Variants in CACNA1H observed in about 807,000 individuals in gnomAD.
CACNA1H encodes voltage-dependent T-type calcium channel subunit alpha-1H.
A neutral mutation model predicts 192.5 loss-of-function variants in CACNA1H; 149 were observed. The observed-to-expected ratio is 0.77, with a 90% CI of 0.68 to 0.89. The LOEUF is 0.89. Ranked by LOEUF, CACNA1H falls within the 40% of genes least tolerant of loss-of-function variation. The pLI is 0.00. For synonymous variants in CACNA1H, 2,202 were observed against 1,475.2 expected (o/e 1.49, Z -11.29); for missense variants, 4,257 against 3,423.5 (o/e 1.24, Z -6.08).
chr16:1,206,353 C>T lies in CACNA1H; in HGVS notation c.2789+64C>T, dbSNP rs1326078411. ...CCCCAGGGCAGCTGGGAGGCAAAGG[C>T]CCAGGGCACCCCCCGAAGGAGAAGG... is the stretch of plus-strand genomic sequence containing the variant. On this transcript the variant is annotated intron_variant, in intron 12 of 34. Coordinates refer to ENST00000348261, the MANE Select transcript of CACNA1H (RefSeq NM_021098.3). 8.2e-6 allele frequency: 12 copies of T among 1,462,548 alleles called. No homozygotes were observed. The Admixed American group carries it at 2.5e-4, about 30-fold the overall frequency. The allele number at this position is 1,462,548 out of a possible 1,614,324, so 90.6% of individuals were successfully genotyped here.
rs144020145 is a variant in CACNA1H, at chr16:1,221,154, G to T, written c.*160G>T. Reference sequence around the variant, plus strand: ...CCCAGGCCCTGGTTCTCTGCCCAGCGAAGCAGGAGTAGCTGCCGGGCCCCA... The same window carrying T: ...CCCAGGCCCTGGTTCTCTGCCCAGCTAAGCAGGAGTAGCTGCCGGGCCCCA... On this transcript the variant is annotated 3_prime_UTR_variant, in exon 35 of 35. Transcript: ENST00000348261. 3.4e-6 allele frequency: 2 copies of T among 581,898 alleles called. No individual in the cohort carries two copies. The highest frequency in any genetic ancestry group is 2.9e-5 in the East Asian group (1 of 34,848). The allele number at this position is 581,898 out of a possible 1,614,324, so 36.0% of individuals were successfully genotyped here.
Position 1,184,200 on chromosome 16 carries a change from T to C in CACNA1H, c.300-10772T>C, listed in dbSNP as rs570955247. On this transcript the variant is annotated intron_variant, in intron 2 of 34. Transcript: ENST00000348261. ...GAATGGTCAGGCCCAGCCTGCCGCA[T>C]GCATGGGGCCCCTCCCCGAGCCCTG... is the stretch of plus-strand genomic sequence containing the variant. Among the ~76,000 whole-genome samples the C allele has an allele frequency of 7.6e-3, 1,152 of 152,340 alleles. 13 individuals are homozygous for C. The highest frequency in any genetic ancestry group is 0.026 in the African/African-American group (1,073 of 41,576).
rs773099504 is a variant in CACNA1H at position 1,202,285 on chromosome 16, A to T, written c.1835A>T (p.Asn612Ile). 9 of 1,583,580 alleles carry T rather than the reference A, an allele frequency of 5.7e-6. No individual in the cohort carries two copies. The highest frequency in any genetic ancestry group is 1.8e-5 in the Admixed American group (1 of 56,066). ...LRLATGLGTM[N>I]YPTILPSGVG... ...CTGGCCACAGGGCTGGGCACCATGA[A>T]CTACCCCACGATCCTGCCCTCAGGG... The change falls in exon 9 of 35, where the codon AAC becomes ATC. Residue 612 changes from asparagine (N) to isoleucine (I), a missense_variant. Coordinates refer to ENST00000348261, the MANE Select transcript of CACNA1H (RefSeq NM_021098.3).
Position 1,218,204 on chromosome 16 carries a change from C to T in CACNA1H, c.5446-6C>T, listed in dbSNP as rs923710949. On this transcript the variant is annotated splice_region_variant and splice_polypyrimidine_tract_variant and intron_variant, in intron 32 of 34. Coordinates refer to ENST00000348261, the MANE Select transcript of CACNA1H (RefSeq NM_021098.3). ...GACCCCGGCCCACAGCTGTCCCCCA[C>T]CGCAGGACACGCTGCGCGAGTGCTC... 1 of 1,547,642 alleles carries T rather than the reference C, an allele frequency of 6.5e-7. No individual in the cohort carries two copies. The highest frequency in any genetic ancestry group is 8.7e-7 in the Non-Finnish European group (1 of 1,145,304).
Position 1,217,244 on chromosome 16 carries a change from A to G in CACNA1H, c.5323+234A>G, listed in dbSNP as rs114380660. The stretch of plus-strand genomic sequence containing the variant: ...GCTTGTGACACGTGTGCGGACGTGC[A>G]CACAGCAACACAGACACAGGGATGC... On this transcript the variant is annotated intron_variant, in intron 31 of 34. Coordinates refer to ENST00000348261, the MANE Select transcript of CACNA1H (RefSeq NM_021098.3). 5.9e-3 allele frequency among the ~76,000 whole-genome samples: 903 copies of G among 152,386 alleles called. 11 individuals carry two copies. Among genetic ancestry groups the G allele is most frequent in the African/African-American group, 0.021 (856 of 41,594 alleles).
In CACNA1H at chr16:1,213,941, A is replaced by G; in HGVS notation, c.4929+10A>G. 1 of 1,607,032 alleles carries G rather than the reference A, an allele frequency of 6.2e-7. No homozygotes were observed. Among genetic ancestry groups the G allele is most frequent in the Non-Finnish European group, 8.5e-7 (1 of 1,177,640 alleles). On this transcript the variant is annotated intron_variant, in intron 27 of 34. Transcript: ENST00000348261. ...CTATAACCAACCCAAGGTGGGTGCG[A>G]GGGGGCCGCGAGGGGCCCAGGGGCT...
At chr16:1,218,721 GA>G in intron 33 of CACNA1H, 70 bp downstream of exon 33, 1 of 1,271,882 alleles carries the variant, frequency 7.9e-7, no homozygotes, top group Non-Finnish European at 1.1e-6. Flanking sequence ...GGGCAGGTGG[GA>G]GGGAGGATGG....
At position 1,180,582 on chromosome 16, in the gene CACNA1H, C is replaced by A. The variant is rs1965364396; in HGVS notation, c.300-14390C>A. The stretch of plus-strand genomic sequence containing the variant: ...CAGTCACAGCCAGGCCGTGGGGGGG[C>A]CAGGGAGGAGGGGCTGCTCTCCATA... On this transcript the variant is annotated intron_variant, in intron 2 of 34. Coordinates refer to ENST00000348261, the MANE Select transcript of CACNA1H (RefSeq NM_021098.3). This position sits in a 1 kb window ranked among gnomAD's most constrained non-coding sequence, Gnocchi z 4.4. Among the ~76,000 whole-genome samples, 1 of 152,092 alleles carries A rather than the reference C, an allele frequency of 6.6e-6. No individual in the cohort carries two copies. Among genetic ancestry groups the A allele is most frequent in the South Asian group, 2.1e-4 (1 of 4,832 alleles).
At chr16:1,158,901 C>T (rs576879952) in intron 2 of CACNA1H, among the ~76,000 whole-genome samples, 1 of 150,284 alleles carries the variant, frequency 6.7e-6, no homozygotes, top group Non-Finnish European at 1.5e-5. Context: ...AGCCCGCACC[C>T]CTGGCCCCGC....
rs890989970 is a variant in CACNA1H at position 1,220,506 on chromosome 16, A to G, written c.6574A>G (p.Ile2192Val). ...RRKKKMSPPC[I>V]SVEPPAEDEG... The stretch of plus-strand genomic sequence containing the variant: ...AAAGAAGAAGATGAGCCCCCCCTGC[A>G]TCTCGGTGGAACCCCCTGCGGAGGA... Residue 2192 changes from isoleucine to valine, a missense_variant, in exon 35 of 35, where the codon ATC (isoleucine) becomes GTC (valine). Physicochemically the swap from Ile to Val is conservative, Grantham distance 29. Coordinates refer to ENST00000348261, the MANE Select transcript of CACNA1H (RefSeq NM_021098.3). The G allele has an allele frequency of 1.9e-6, 3 of 1,539,460 alleles. No individual in the cohort carries two copies. The African/African-American group carries it at 4.2e-5, about 22-fold the overall frequency.
chr16:1,188,403 C>G (rs1238096021), intron 2 of CACNA1H, among the ~76,000 whole-genome samples: 1 of 152,142 alleles, frequency 6.6e-6, no homozygotes, highest in Non-Finnish European at 1.5e-5. Context: ...AGGGCTCAGT[C>G]GGCACTGTTT....
rs756354662 is a variant in CACNA1H, at chr16:1,180,572, C to T, written c.300-14400C>T. Among the ~76,000 whole-genome samples the T allele has an allele frequency of 6.7e-6, 1 of 150,038 alleles. No individual in the cohort carries two copies. Among genetic ancestry groups the T allele is most frequent in the Non-Finnish European group, 1.5e-5 (1 of 67,544 alleles). On this transcript the variant is annotated intron_variant, in intron 2 of 34. Coordinates refer to ENST00000348261, the MANE Select transcript of CACNA1H (RefSeq NM_021098.3). The surrounding 1 kb of genome is among the most constrained non-coding windows in gnomAD (Gnocchi z 4.4). ...GCAGGGGCTGCAGTCACAGCCAGGC[C>T]GTGGGGGGGCCAGGGAGGAGGGGCT...
chr16:1,198,756 T>C lies in CACNA1H; in HGVS notation c.785T>C (p.Leu262Pro), dbSNP rs570282553. 3.1e-6 allele frequency: 5 copies of C among 1,612,010 alleles called. No individual in the cohort carries two copies. Among genetic ancestry groups the C allele is most frequent in the Non-Finnish European group, 4.2e-6 (5 of 1,179,358 alleles). Reference sequence around the variant, plus strand: ...GGCCTCCTGCGGAACCGCTGCTTCCTGGACAGTGCCTTTGTCAGGTGCCCA... The same window carrying C: ...GGCCTCCTGCGGAACCGCTGCTTCCCGGACAGTGCCTTTGTCAGGTGCCCA... ...WAGLLRNRCF[L>P]DSAFVRNNNL... The change falls in exon 6 of 35, where the codon CTG becomes CCG. Residue 262 changes from leucine to proline, a missense_variant. Leu to Pro is a moderately conservative substitution (Grantham distance 98, BLOSUM62 -3). Coordinates refer to ENST00000348261, the MANE Select transcript of CACNA1H (RefSeq NM_021098.3).
intron 2 of CACNA1H, among the ~76,000 whole-genome samples, chr16:1,179,932 TC>T (rs1476095103): frequency 6.6e-6 from 1 of 151,718 alleles, no homozygotes; most frequent in Non-Finnish European, 1.5e-5. Context: ...AGACGGGGTT[TC>T]ACCATCTTGG....
At chr16:1,159,072 C>A (rs907911578) in intron 2 of CACNA1H, among the ~76,000 whole-genome samples, 1 of 152,246 alleles carries the variant, frequency 6.6e-6, no homozygotes, top group Non-Finnish European at 1.5e-5. Context: ...TGGAGGGAGT[C>A]CCTGAGCACA....
rs1172210035 is a variant in CACNA1H at position 1,202,256 on chromosome 16, C to G, written c.1806C>G (p.Leu602=). 6 of 1,571,098 alleles carry G rather than the reference C, an allele frequency of 3.8e-6. No homozygotes were observed. In the East Asian group the frequency reaches 9.5e-5, roughly 25 times the overall value. Residue 602 remains leucine, a synonymous_variant, in exon 9 of 35, where the codon CTC becomes CTG. Transcript: ENST00000348261. ...AHAAATAAAS[L]RLATGLGTMN... ...CCGCAGCCACTGCCGCTGCCAGCCT[C>G]AGACTGGCCACAGGGCTGGGCACCA...
In CACNA1H at chr16:1,201,831, C is replaced by T. The variant is rs57112868; in HGVS notation, c.1381C>T (p.Leu461=). The change falls in exon 9 of 35, where the codon CTG becomes TTG. Residue 461 remains leucine, a synonymous_variant. Coordinates refer to ENST00000348261, the MANE Select transcript of CACNA1H (RefSeq NM_021098.3). ...GCCTGGCAGCTGCTACGAAGAGCTG[C>T]TGAAGTACGTGGGCCACATATTCCG... The part of the protein sequence containing the change: ...SEPGSCYEEL[L]KYVGHIFRKV... 8.6e-4 allele frequency: 1,359 copies of T among 1,576,298 alleles called. 16 individuals carry two copies. The African/African-American group carries it at 0.016, about 19-fold the overall frequency.
intron 17 of CACNA1H, among the ~76,000 whole-genome samples, 195 bp from the exon 18 acceptor site, chr16:1,209,840 G>A (rs149106422): frequency 1.5e-3 from 227 of 152,340 alleles, no homozygotes; most frequent in African/African-American, 5.1e-3. Flanking sequence ...CGTCACCAGC[G>A]TAGGGAAGGG....
chr16:1,200,259 C>A lies in CACNA1H; in HGVS notation c.807C>A (p.Asn269Lys). The A allele has an allele frequency of 6.3e-7, 1 of 1,596,088 alleles. No individual in the cohort carries two copies. Residue 269 changes from asparagine to lysine, a missense_variant, in exon 7 of 35, where the codon AAC (asparagine) becomes AAA (lysine). By Grantham distance (94) the Asn-to-Lys change is moderately conservative. Transcript: ENST00000348261. ...RCFLDSAFVR[N>K]NNLTFLRPYY... ...CCCTGGCTGTGCCCATCCCCAGGAA[C>A]AACAACCTGACCTTCCTGCGGCCGT...
Sources: gnomAD v4.1 joint callset for allele counts (sites outside exome capture counted in the v4.1 genomes callset) on GRCh38, gnomAD v4.1.1 for gene constraint, Gnocchi (gnomAD v3.1) non-coding constraint, MANE v1.5 for transcripts, NCBI Gene and HGNC (gene_info 2026-07-23, HGNC 2026-07-21) for gene names.